Variants in TENM4 observed in about 807,000 individuals in gnomAD.
TENM4 encodes the protein teneurin-4.
Under a neutral mutation model 243.3 loss-of-function variants are expected in TENM4, and 82 were observed. The ratio of observed to expected loss-of-function variants is 0.34; its 90% confidence interval spans 0.28 to 0.40. The LOEUF is 0.40. TENM4 is among the 10% of genes least tolerant of loss of function. The probability of loss-of-function intolerance (pLI) is 1.00; values close to 1 mark genes in which losing one functional copy is unlikely to be tolerated. For missense variants in TENM4, 3,138 were observed against 3,673.3 expected (o/e 0.85, Z 3.77); for synonymous variants, 1,412 against 1,456.3 (o/e 0.97, Z 0.69).
At chr11:79,235,679 A>G (rs968589554) in intron 2 of TENM4, among the ~76,000 whole-genome samples, 2 of 152,016 alleles carry the variant, frequency 1.3e-5, no homozygotes, top group African/African-American at 2.4e-5. Context: ...AAATACATCA[A>G]CGTATGACTA....
At position 78,670,294 on chromosome 11, in the gene TENM4, C is replaced by T. The variant is rs745602173; in HGVS notation, c.6051G>A (p.Leu2017=). 1 of 1,613,926 alleles carries T rather than the reference C, an allele frequency of 6.2e-7. No homozygotes were observed. Among genetic ancestry groups the T allele is most frequent in the Middle Eastern group, 1.6e-4 (1 of 6,062 alleles). The change falls in exon 32 of 34, where the codon CTG becomes CTA. Residue 2017 remains leucine, a synonymous_variant. Coordinates refer to ENST00000278550, the MANE Select transcript of TENM4 (RefSeq NM_001098816.3). Reference sequence around the variant, plus strand: ...CATAGAGCGTCTCTGCCAGCTTTGACAGTTTGCCATACTTGTATATCACCC... The same window carrying T: ...CATAGAGCGTCTCTGCCAGCTTTGATAGTTTGCCATACTTGTATATCACCC... ...GRRVIYKYGK[L]SKLAETLYDT... is the part of the protein sequence containing the mutation.
At chr11:79,157,237 G>T (rs185718505) in intron 3 of TENM4, among the ~76,000 whole-genome samples, 5 of 152,146 alleles carry the variant, frequency 3.3e-5, no homozygotes, top group Admixed American at 3.3e-4. Context: ...CATAACTGAG[G>T]CTCTCTCTGA....
intron 15 of TENM4, among the ~76,000 whole-genome samples, chr11:78,802,304 T>C (rs1229710091): frequency 1.3e-5 from 2 of 152,232 alleles, no homozygotes; most frequent in Admixed American, 6.5e-5. Context: ...ACTTTAATGA[T>C]TACATAACCC....
At chr11:79,083,357 C>T (rs1459991774) in intron 4 of TENM4, among the ~76,000 whole-genome samples, 4 of 152,286 alleles carry the variant, frequency 2.6e-5, no homozygotes, top group South Asian at 2.1e-4. Context: ...GAGACTGGTT[C>T]GGTTTTGTCA....
chr11:78,816,880 G>C (rs937415240), intron 12 of TENM4, among the ~76,000 whole-genome samples: 1 of 152,158 alleles, frequency 6.6e-6, no homozygotes, highest in Non-Finnish European at 1.5e-5. Flanking sequence ...TCTGCCTGGA[G>C]GTAAGAAAAC....
chr11:78,725,360 C>T (rs981575377), intron 23 of TENM4, among the ~76,000 whole-genome samples: 1 of 152,190 alleles, frequency 6.6e-6, no homozygotes, highest in African/African-American at 2.4e-5. Flanking sequence ...TGATATCTGA[C>T]ATCATTACCA....
intron 3 of TENM4, among the ~76,000 whole-genome samples, chr11:79,195,998 A>G (rs1335859870): frequency 1.3e-5 from 2 of 152,094 alleles, no homozygotes; most frequent in East Asian, 1.9e-4. Context: ...TTCTCATGAT[A>G]GTGAATAAGC....
At chr11:78,843,796 G>A (rs1858318331) in intron 12 of TENM4, among the ~76,000 whole-genome samples, 1 of 152,208 alleles carries the variant, frequency 6.6e-6, no homozygotes, top group African/African-American at 2.4e-5. Context: ...GCCTTGGGAT[G>A]CATAAAGTCC....
At chr11:79,339,412 T>C (rs1857205687) in intron 1 of TENM4, among the ~76,000 whole-genome samples, 2 of 152,354 alleles carry the variant, frequency 1.3e-5, no homozygotes, top group Non-Finnish European at 2.9e-5. Context: ...AGTATCACAC[T>C]GCACAGTTTG....
At chr11:78,841,278 T>G (rs975270931) in intron 12 of TENM4, among the ~76,000 whole-genome samples, 4 of 152,210 alleles carry the variant, frequency 2.6e-5, no homozygotes, top group Admixed American at 2.6e-4. Flanking sequence ...ACCAGCTACC[T>G]GGCTTCAAAT....
In TENM4 at chr11:78,807,439, A is replaced by G. The variant is rs146546707; in HGVS notation, c.1979-1947T>C. Among the ~76,000 whole-genome samples, 278 of 152,306 alleles carry G rather than the reference A, an allele frequency of 1.8e-3. 2 individuals are homozygous for G. The highest frequency in any genetic ancestry group is 6.0e-3 in the African/African-American group (250 of 41,562). ...TCAAAGCTTTAGTTATGGGGCTACA[A>G]CAACATTAACAGAGACCTCTAATCT... On this transcript the variant is annotated intron_variant, in intron 14 of 33. Transcript: ENST00000278550.
chr11:79,005,448 A>T (rs1565163722), intron 6 of TENM4, among the ~76,000 whole-genome samples: 1 of 152,234 alleles, frequency 6.6e-6, no homozygotes, highest in East Asian at 1.9e-4. Flanking sequence ...TTTGTTCAAT[A>T]TACGCAAGTC....
chr11:79,026,998 C>A (rs1859097352), intron 6 of TENM4, among the ~76,000 whole-genome samples: 1 of 152,044 alleles, frequency 6.6e-6, no homozygotes, highest in Non-Finnish European at 1.5e-5. Flanking sequence ...GAATCAGTAT[C>A]CTGGGTGTTC....
chr11:78,748,232 C>T (rs1051419006), intron 19 of TENM4, among the ~76,000 whole-genome samples: 2 of 152,188 alleles, frequency 1.3e-5, no homozygotes, highest in Non-Finnish European at 2.9e-5. Context: ...ATGCTTACTG[C>T]CCTAATACCT....
At chr11:78,788,599 T>C (rs1457556875) in intron 15 of TENM4, among the ~76,000 whole-genome samples, 1 of 152,236 alleles carries the variant, frequency 6.6e-6, no homozygotes, top group Admixed American at 6.5e-5. Context: ...AGCAGCCCTT[T>C]GCTGACCTAA....
intron 14 of TENM4, among the ~76,000 whole-genome samples, chr11:78,809,130 T>A (rs1457262682): frequency 6.6e-6 from 1 of 152,114 alleles, no homozygotes; most frequent in Admixed American, 6.5e-5. Context: ...AGCAAGAGGC[T>A]CTGGGTGGCA....
At chr11:79,328,241 T>G (rs895401218) in intron 1 of TENM4, among the ~76,000 whole-genome samples, 9 of 152,196 alleles carry the variant, frequency 5.9e-5, no homozygotes, top group Admixed American at 2.0e-4. Flanking sequence ...ATTCAACTAA[T>G]GAGGATGCTA....
At chr11:79,268,955 G>C (rs1392020741) in intron 2 of TENM4, among the ~76,000 whole-genome samples, 1 of 152,204 alleles carries the variant, frequency 6.6e-6, no homozygotes, top group Non-Finnish European at 1.5e-5. Flanking sequence ...AGAGTTCAAT[G>C]TCAAGGAATC....
chr11:79,031,841 G>C lies in TENM4; in HGVS notation c.493+32897C>G, dbSNP rs147262086. 4.0e-3 allele frequency among the ~76,000 whole-genome samples: 612 copies of C among 152,306 alleles called. 3 individuals carry two copies. Among genetic ancestry groups the C allele is most frequent in the Middle Eastern group, 6.8e-3 (2 of 294 alleles). On this transcript the variant is annotated intron_variant, in intron 6 of 33. Coordinates refer to ENST00000278550, the MANE Select transcript of TENM4 (RefSeq NM_001098816.3). ...CAATTTTGCTATCCAGGGGGTCATAGAGCAATGTTTGGAGACATTTTGGAC... is the reference window on the plus strand; with the variant it reads ...CAATTTTGCTATCCAGGGGGTCATACAGCAATGTTTGGAGACATTTTGGAC...
Sources: gnomAD v4.1 joint callset for allele counts (sites outside exome capture counted in the v4.1 genomes callset) on GRCh38, gnomAD v4.1.1 for gene constraint, MANE v1.5 for transcripts, NCBI Gene and HGNC (gene_info 2026-07-23, HGNC 2026-07-21) for gene names.